Variants in CNTN5 observed in about 807,000 individuals in gnomAD.
CNTN5 encodes contactin-5.
A neutral mutation model predicts 129.1 loss-of-function variants in CNTN5; 77 were observed. The observed-to-expected ratio is 0.60, with a 90% CI of 0.50 to 0.72. The LOEUF (loss-of-function observed/expected upper bound fraction) is 0.72. Among genes scored for constraint, CNTN5 ranks in the 30% least tolerant of loss-of-function variants. The pLI is 0.00. For synonymous variants in CNTN5, 509 were observed against 465.6 expected (o/e 1.09, Z -1.20); for missense variants, 1,478 against 1,328.8 (o/e 1.11, Z -1.75).
At chr11:99,851,468 A>G (rs1380483577) in intron 6 of CNTN5, among the ~76,000 whole-genome samples, 1 of 152,198 alleles carries the variant, frequency 6.6e-6, no homozygotes, top group East Asian at 1.9e-4. Context: ...TACACCATAT[A>G]AAACTTTGTC....
chr11:99,730,457 C>G (rs1173117381), intron 3 of CNTN5, among the ~76,000 whole-genome samples: 1 of 152,142 alleles, frequency 6.6e-6, no homozygotes, highest in Non-Finnish European at 1.5e-5. Context: ...AAGATAAACA[C>G]CTCAATATTT....
At chr11:99,809,456 C>G (rs769736215) in intron 3 of CNTN5, among the ~76,000 whole-genome samples, 1 of 152,056 alleles carries the variant, frequency 6.6e-6, no homozygotes, top group Non-Finnish European at 1.5e-5. Context: ...ATAATCATTT[C>G]ACGTTAAATA....
intron 2 of CNTN5, among the ~76,000 whole-genome samples, chr11:99,343,171 C>T (rs1866601048): frequency 6.6e-6 from 1 of 152,066 alleles, no homozygotes; most frequent in Non-Finnish European, 1.5e-5. Context: ...GATGACGAAT[C>T]TTTATCACCT....
chr11:99,381,670 T>C (rs17133436), intron 2 of CNTN5, among the ~76,000 whole-genome samples: 10,061 of 152,260 alleles, frequency 0.066, 522 homozygotes, highest in African/African-American at 0.15. Context: ...GTCCCTATTA[T>C]CAGCAGAAAT....
At chr11:99,078,578 A>G (rs1029553702) in intron 1 of CNTN5, among the ~76,000 whole-genome samples, 4 of 152,228 alleles carry the variant, frequency 2.6e-5, no homozygotes, top group African/African-American at 9.6e-5. Flanking sequence ...AATGTGGTGT[A>G]TATATACACA....
At chr11:99,988,334 C>A (rs1445986843) in intron 8 of CNTN5, among the ~76,000 whole-genome samples, 1 of 152,190 alleles carries the variant, frequency 6.6e-6, no homozygotes, top group East Asian at 1.9e-4. Flanking sequence ...GTTATGCAAC[C>A]AGGCAGCTGA....
chr11:99,189,476 G>A (rs892082079), intron 1 of CNTN5, among the ~76,000 whole-genome samples: 2 of 151,428 alleles, frequency 1.3e-5, no homozygotes, highest in Non-Finnish European at 3.0e-5. Context: ...ATTTTATATT[G>A]ACTGTTCTAA....
At chr11:100,289,040 T>C (rs1308871313) in intron 18 of CNTN5, among the ~76,000 whole-genome samples, 2 of 151,990 alleles carry the variant, frequency 1.3e-5, no homozygotes, top group East Asian at 1.9e-4. Flanking sequence ...AAACATACAC[T>C]CTCCAAAGAC....
In CNTN5 at chr11:100,308,340, T is replaced by A. The variant is rs770811355; in HGVS notation, c.2621-19T>A. ...GGACATAAACTTTTTATAATTGTGG[T>A]TTATTTTCCTTCATACAGAACCCAG... is the stretch of plus-strand genomic sequence containing the variant. On this transcript the variant is annotated intron_variant, in intron 20 of 24. Transcript: ENST00000524871. The A allele has an allele frequency of 2.5e-6, 4 of 1,600,674 alleles. No individual in the cohort carries two copies. In the South Asian group the frequency reaches 4.5e-5, roughly 18 times the overall value.
chr11:99,753,652 A>G (rs1483972163), intron 3 of CNTN5, among the ~76,000 whole-genome samples: 6 of 50,560 alleles, frequency 1.2e-4, no homozygotes, highest in African/African-American at 2.4e-4. Flanking sequence ...ATTTTTACTG[A>G]AAAAAAAAAA....
intron 1 of CNTN5, among the ~76,000 whole-genome samples, chr11:99,083,292 T>C (rs183735268): frequency 6.6e-6 from 1 of 152,244 alleles, no homozygotes; most frequent in African/African-American, 2.4e-5. Context: ...ACTGGTATTA[T>C]TCACACATGT....
intron 1 of CNTN5, among the ~76,000 whole-genome samples, chr11:99,287,308 A>T (rs574579833): frequency 2.0e-4 from 30 of 152,256 alleles, no homozygotes; most frequent in Non-Finnish European, 3.8e-4. Context: ...CATTGACCAG[A>T]AGAGGTGAAG....
intron 3 of CNTN5, among the ~76,000 whole-genome samples, chr11:99,635,781 AGTTTT>A (rs1414756495): frequency 2.6e-5 from 4 of 152,096 alleles, no homozygotes; most frequent in Non-Finnish European, 5.9e-5. Flanking sequence ...TGTTCATGTC[AGTTTT>A]GTTACTATTT....
intron 3 of CNTN5, among the ~76,000 whole-genome samples, chr11:99,818,702 A>G (rs778979694): frequency 2.8e-5 from 4 of 142,946 alleles, no homozygotes; most frequent in Non-Finnish European, 5.9e-5. Flanking sequence ...TGATCCATAT[A>G]CTAAACTTAT....
chr11:100,070,437 G>A lies in CNTN5; in HGVS notation c.1176G>A (p.Trp392Ter). The change falls in exon 11 of 25, where the codon TGG (tryptophan) becomes TGA (stop). Residue 392 changes from tryptophan to a stop codon, truncating the protein, a stop_gained. Coordinates refer to ENST00000524871, the MANE Select transcript of CNTN5 (RefSeq NM_014361.4). LOFTEE classifies it high-confidence loss of function. ...GQLQVYTYPH[W>*]VEKLNDTQLD... is the part of the protein sequence containing the mutation. ...ACATACTTACAGCCTACCCACACTGGGTAGAAAAACTGAATGATACTCAGT... is the reference window on the plus strand; with the variant it reads ...ACATACTTACAGCCTACCCACACTGAGTAGAAAAACTGAATGATACTCAGT... 1 of 1,611,844 alleles carries A rather than the reference G, an allele frequency of 6.2e-7. No individual in the cohort carries two copies. The highest frequency in any genetic ancestry group is 8.5e-7 in the Non-Finnish European group (1 of 1,178,846).
intron 2 of CNTN5, among the ~76,000 whole-genome samples, chr11:99,325,785 A>G (rs1356987224): frequency 1.3e-5 from 2 of 152,226 alleles, no homozygotes; most frequent in Non-Finnish European, 2.9e-5. Flanking sequence ...ATGTGGTATA[A>G]AATGGCTGAA....
chr11:99,133,004 C>T (rs890525393), intron 1 of CNTN5, among the ~76,000 whole-genome samples: 4 of 151,898 alleles, frequency 2.6e-5, no homozygotes, highest in African/African-American at 9.7e-5. Flanking sequence ...GACTTCAAAC[C>T]GTACTACAAG....
At chr11:99,132,950 C>G (rs1473427426) in intron 1 of CNTN5, among the ~76,000 whole-genome samples, 1 of 152,074 alleles carries the variant, frequency 6.6e-6, no homozygotes, top group African/African-American at 2.4e-5. Context: ...AAAGCCAGGA[C>G]AGTCCTAAGC....
At chr11:99,293,363 T>C (rs1293616215) in intron 1 of CNTN5, among the ~76,000 whole-genome samples, 2 of 152,194 alleles carry the variant, frequency 1.3e-5, no homozygotes, top group Admixed American at 1.3e-4. Flanking sequence ...GCATCTATCT[T>C]CGTCAGGGAT....
Sources: allele counts gnomAD v4.1 joint callset (sites outside exome capture counted in the v4.1 genomes callset), GRCh38; gene constraint gnomAD v4.1.1; transcripts MANE v1.5; gene names NCBI Gene and HGNC (gene_info 2026-07-23, HGNC 2026-07-21).